ZFP3: variants seen among roughly 807,000 people sequenced by gnomAD.
The protein encoded by ZFP3 is zinc finger protein 3 homolog.
ZFP3 carries 18 observed loss-of-function variants against 36.7 expected under a neutral mutation model. The ratio of observed to expected loss-of-function variants is 0.49; its 90% confidence interval spans 0.34 to 0.73. The LOEUF is 0.73. Among genes scored for constraint, ZFP3 ranks in the 30% least tolerant of loss-of-function variants. ZFP3 has a pLI of 0.01. For missense variants in ZFP3, 495 were observed against 599.0 expected, an observed-to-expected ratio of 0.83 and a Z score of 1.81; for synonymous variants, 218 against 199.0, an observed-to-expected ratio of 1.10 and a Z score of -0.81.
chr17:5,090,244 G>A (rs970555136), intron 1 of ZFP3, among the ~76,000 whole-genome samples: 1 of 152,172 alleles, frequency 6.6e-6, no homozygotes, highest in South Asian at 2.1e-4. Flanking sequence ...ACTTTCTCTA[G>A]CATATATTAA....
At chr17:5,085,706 TG>T (rs1029460718) in intron 1 of ZFP3, among the ~76,000 whole-genome samples, 35 of 152,320 alleles carry the variant, frequency 2.3e-4, no homozygotes, top group African/African-American at 8.2e-4. Context: ...GTTACTTGAC[TG>T]GGGATAAATA....
chr17:5,092,906 C>A lies in ZFP3; in HGVS notation c.1402C>A (p.Gln468Lys). The change falls in exon 2 of 2, where the codon CAG (glutamine) becomes AAG (lysine). Residue 468 changes from glutamine to lysine, a missense_variant. By Grantham distance (53) the Gln-to-Lys change is moderately conservative (BLOSUM62 1). Coordinates refer to ENST00000318833, the MANE Select transcript of ZFP3 (RefSeq NM_153018.3). This position sits in a 1 kb window ranked among gnomAD's most constrained non-coding sequence, Gnocchi z 5.0. The stretch of plus-strand genomic sequence containing the variant: ...CCAGCATTCCCAACTTATCATACAT[C>A]AGAGAATTCACACTGGAGAGAAGCC... ...FSQHSQLIIH[Q>K]RIHTGEKPYE... 1 of 1,613,852 alleles carries A rather than the reference C, an allele frequency of 6.2e-7. No individual in the cohort carries two copies. Among genetic ancestry groups the A allele is most frequent in the Non-Finnish European group, 8.5e-7 (1 of 1,179,962 alleles).
chr17:5,082,705 A>G (rs561037933), intron 1 of ZFP3, among the ~76,000 whole-genome samples: 1 of 152,026 alleles, frequency 6.6e-6, no homozygotes, highest in Non-Finnish European at 1.5e-5. Context: ...ATTTTTTTGT[A>G]ATTTTTCTAG....
chr17:5,084,729 A>G (rs1213276407), intron 1 of ZFP3, among the ~76,000 whole-genome samples: 1 of 152,220 alleles, frequency 6.6e-6, no homozygotes, highest in African/African-American at 2.4e-5. Flanking sequence ...CTACTCTTCC[A>G]GTAGCACCTC....
In ZFP3 at chr17:5,093,877, A is replaced by C. The variant is rs918794538; in HGVS notation, c.*864A>C. ...CCAGGGGATAAACAATTGAGGTCAC[A>C]CTGCTCGGCATGGGCAGAAGCAGCT... is the stretch of plus-strand genomic sequence containing the variant. On this transcript the variant is annotated 3_prime_UTR_variant, in exon 2 of 2. Coordinates refer to ENST00000318833, the MANE Select transcript of ZFP3 (RefSeq NM_153018.3). 1 of 167,190 alleles carries C rather than the reference A, an allele frequency of 6.0e-6. No individual in the cohort carries two copies. Among genetic ancestry groups the C allele is most frequent in the Non-Finnish European group, 1.5e-5 (1 of 68,142 alleles). 10.4% of individuals were successfully genotyped at this position (167,190 alleles called of 1,614,324 possible). A position where few individuals can be genotyped will look rare whatever the true frequency, so the allele number is the denominator to read the frequency against.
chr17:5,087,792 C>G (rs1414813539), intron 1 of ZFP3, among the ~76,000 whole-genome samples: 1 of 152,122 alleles, frequency 6.6e-6, no homozygotes, highest in African/African-American at 2.4e-5. Context: ...AACCCTGACC[C>G]CTTTCTCCTG....
rs1434325699 is a variant in ZFP3 at position 5,091,951 on chromosome 17, C to G, written c.447C>G (p.Ala149=). ...ATACATGTAAAGAATGTGGGAAAGC[C>G]TTTAATCAGAACTCACATCTCATCC... The part of the protein sequence containing the change: ...KPHTCKECGK[A]FNQNSHLIQH... The change falls in exon 2 of 2, where the codon GCC becomes GCG. Residue 149 remains alanine, a synonymous_variant. Coordinates refer to ENST00000318833, the MANE Select transcript of ZFP3 (RefSeq NM_153018.3). The G allele has an allele frequency of 6.2e-7, 1 of 1,614,124 alleles. No individual in the cohort carries two copies. The highest frequency in any genetic ancestry group is 2.2e-5 in the East Asian group (1 of 44,886).
chr17:5,080,552 T>C (rs1410221817), intron 1 of ZFP3, among the ~76,000 whole-genome samples: 1 of 152,192 alleles, frequency 6.6e-6, no homozygotes, highest in Non-Finnish European at 1.5e-5. Context: ...TAAATTTTAA[T>C]GAGTTTCAAA....
At chr17:5,082,102 C>T (rs2072096764) in intron 1 of ZFP3, among the ~76,000 whole-genome samples, 1 of 151,266 alleles carries the variant, frequency 6.6e-6, no homozygotes, top group Non-Finnish European at 1.5e-5. Context: ...AATCCCAGCA[C>T]TTTGGGAGGC....
At position 5,092,632 on chromosome 17, in the gene ZFP3, G is replaced by C. The variant is rs1278303297; in HGVS notation, c.1128G>C (p.Gly376=). 1 of 1,614,086 alleles carries C rather than the reference G, an allele frequency of 6.2e-7. No individual in the cohort carries two copies. The highest frequency in any genetic ancestry group is 1.3e-5 in the African/African-American group (1 of 75,016). ...AGGAATGTGGGAAGGCCTTCAGGGG[G>C]AACTCAGAACTTCTTAGACATGAGA... is the stretch of plus-strand genomic sequence containing the variant. ...VCKECGKAFR[G]NSELLRHERI... is the part of the protein sequence containing the mutation. The change falls in exon 2 of 2, where the codon GGG becomes GGC. Residue 376 remains glycine (G), a synonymous_variant. Coordinates refer to ENST00000318833, the MANE Select transcript of ZFP3 (RefSeq NM_153018.3). The surrounding 1 kb of genome is among the most constrained non-coding windows in gnomAD (Gnocchi z 5.0).
intron 1 of ZFP3, among the ~76,000 whole-genome samples, chr17:5,088,208 C>T (rs2072130840): frequency 6.6e-6 from 1 of 152,178 alleles, no homozygotes; most frequent in Admixed American, 6.5e-5. Flanking sequence ...AGCTCCTCTC[C>T]CAGTATTCAG....
In ZFP3 at chr17:5,088,476, CTT is replaced by C. The variant is rs71149522; in HGVS notation, c.-8-3003_-8-3002del. Among the ~76,000 whole-genome samples, 228 of 131,258 alleles carry C rather than the reference CTT, an allele frequency of 1.7e-3. 1 individual carries two copies. The highest frequency in any genetic ancestry group is 0.016 in the South Asian group (64 of 3,922). 86.1% of individuals were successfully genotyped at this position (131,258 alleles called of 152,430 possible). On this transcript the variant is annotated intron_variant, in intron 1 of 1. Transcript: ENST00000318833. ...TTCCTATGTGCAGGCCTACTGCTTT[CTT>C]TTTTTTTTTTTTTTTTTAGTAGAGA... is the stretch of plus-strand genomic sequence containing the variant.
At chr17:5,081,506 C>T (rs1481773142) in intron 1 of ZFP3, among the ~76,000 whole-genome samples, 1 of 152,196 alleles carries the variant, frequency 6.6e-6, no homozygotes, top group African/African-American at 2.4e-5. Flanking sequence ...GTATCCTTGC[C>T]TATGAGTGAT....
Position 5,078,879 on chromosome 17 carries a change from T to C in ZFP3, c.-9+304T>C, listed in dbSNP as rs77588954. Among the ~76,000 whole-genome samples the C allele has an allele frequency of 1.9e-3, 295 of 152,180 alleles. 1 individual carries two copies. Among genetic ancestry groups the C allele is most frequent in the African/African-American group, 6.9e-3 (288 of 41,526 alleles). On this transcript the variant is annotated intron_variant, in intron 1 of 1. Transcript: ENST00000318833. This position sits in a 1 kb window ranked among gnomAD's most constrained non-coding sequence, Gnocchi z 4.5. ...CCGAGGTGGGGACCCGTGGGAGCTG[T>C]GGTTTTCTCAGACATTCCACCCCCA...
Position 5,092,299 on chromosome 17 carries a change from T to A in ZFP3, c.795T>A (p.Ser265Arg). ...AATGTGGGAAGACCTTTAGGGTTAG[T>A]TCACAGCTTATTCAGCATCAGAGAA... ...CNECGKTFRV[S>R]SQLIQHQRIH... is the part of the protein sequence containing the mutation. The change falls in exon 2 of 2, where the codon AGT (serine) becomes AGA (arginine). Residue 265 changes from serine (S) to arginine (R), a missense_variant. Around this residue, in one of 3 missense-constraint regions of ZFP3, gnomAD observed 103 missense variants for 186.8 expected, o/e 0.55. Coordinates refer to ENST00000318833, the MANE Select transcript of ZFP3 (RefSeq NM_153018.3). This position sits in a 1 kb window ranked among gnomAD's most constrained non-coding sequence, Gnocchi z 5.0. 1 of 1,614,020 alleles carries A rather than the reference T, an allele frequency of 6.2e-7. No homozygotes were observed. Among genetic ancestry groups the A allele is most frequent in the Non-Finnish European group, 8.5e-7 (1 of 1,180,008 alleles).
rs937407031 is a variant in ZFP3, at chr17:5,093,886, C to T, written c.*873C>T. 1 of 167,182 alleles carries T rather than the reference C, an allele frequency of 6.0e-6. No individual in the cohort carries two copies. Among genetic ancestry groups the T allele is most frequent in the Admixed American group, 6.5e-5 (1 of 15,292 alleles). 10.4% of individuals were successfully genotyped at this position (167,182 alleles called of 1,614,324 possible). A position where few individuals can be genotyped will look rare whatever the true frequency, so the allele number is the denominator to read the frequency against. On this transcript the variant is annotated 3_prime_UTR_variant, in exon 2 of 2. Transcript: ENST00000318833. ...AAACAATTGAGGTCACACTGCTCGG[C>T]ATGGGCAGAAGCAGCTCTTCAGGAG...
chr17:5,091,792 T>A lies in ZFP3; in HGVS notation c.288T>A (p.Ser96Arg), dbSNP rs2072151343. 6.2e-7 allele frequency: 1 copy of A among 1,614,124 alleles called. No homozygotes were observed. Among genetic ancestry groups the A allele is most frequent in the Non-Finnish European group, 8.5e-7 (1 of 1,180,026 alleles). ...ATAATGAGAGTGAGAGAGGCTGCAG[T>A]CCCAGCCCAAATCTGGTTACACATC... The part of the protein sequence containing the change: ...RENNESERGC[S>R]PSPNLVTHQG... Residue 96 changes from serine (S) to arginine (R), a missense_variant, in exon 2 of 2, where the codon AGT (serine) becomes AGA (arginine). Coordinates refer to ENST00000318833, the MANE Select transcript of ZFP3 (RefSeq NM_153018.3).
At chr17:5,082,485 G>C (rs768407883) in intron 1 of ZFP3, among the ~76,000 whole-genome samples, 1 of 152,108 alleles carries the variant, frequency 6.6e-6, no homozygotes. Flanking sequence ...TGAGTTTTTT[G>C]GACGTTTTGT....
chr17:5,085,414 G>A (rs1210164231), intron 1 of ZFP3, among the ~76,000 whole-genome samples: 1 of 151,868 alleles, frequency 6.6e-6, no homozygotes, highest in Non-Finnish European at 1.5e-5. Context: ...TGTCGCCCAG[G>A]CTGGAGTGCA....
Sources: gnomAD v4.1 joint callset for allele counts (sites outside exome capture counted in the v4.1 genomes callset) on GRCh38, gnomAD v4.1.1 for gene constraint, gnomAD v4.1.1 regional missense constraint, Gnocchi (gnomAD v3.1) non-coding constraint, MANE v1.5 for transcripts, NCBI Gene and HGNC (gene_info 2026-07-23, HGNC 2026-07-21) for gene names.